Variants in FAM83G observed in about 807,000 individuals in gnomAD.
The protein encoded by FAM83G is protein FAM83G.
FAM83G carries 38 observed loss-of-function variants against 61.5 expected under a neutral mutation model. That is an observed-to-expected ratio of 0.62 (90% CI 0.48 to 0.81). FAM83G has a LOEUF of 0.81. Among genes scored for constraint, FAM83G ranks in the 30% least tolerant of loss-of-function variants. FAM83G has a pLI of 0.00. For synonymous variants in FAM83G, 470 were observed against 476.1 expected (o/e 0.99, Z 0.17); for missense variants, 989 against 1,133.6 (o/e 0.87, Z 1.83).
In FAM83G at chr17:19,000,272, C is replaced by T. The variant is rs1162345315; in HGVS notation, c.522+3248G>A. 6.6e-6 allele frequency among the ~76,000 whole-genome samples: 1 copy of T among 152,174 alleles called. No homozygotes were observed. The highest frequency in any genetic ancestry group is 1.5e-5 in the Non-Finnish European group (1 of 68,024). ...TGCTGAGAGTGAGACCTGGGACCCA[C>T]CCGCCTCTTGTCCCAGGGGAGTCTA... On this transcript the variant is annotated intron_variant, in intron 2 of 5. Coordinates refer to ENST00000388995, the MANE Select transcript of FAM83G (RefSeq NM_001039999.3). This position sits in a 1 kb window ranked among gnomAD's most constrained non-coding sequence, Gnocchi z 5.2.
chr17:18,982,273 G>A (rs927878047), intron 3 of FAM83G, among the ~76,000 whole-genome samples: 1 of 152,222 alleles, frequency 6.6e-6, no homozygotes, highest in African/African-American at 2.4e-5. Context: ...GCAGCAGGTG[G>A]GGGCCTGCAG....
chr17:19,003,666 G>T lies in FAM83G; in HGVS notation c.376C>A (p.Arg126Ser). The T allele has an allele frequency of 6.2e-7, 1 of 1,611,596 alleles. No homozygotes were observed. Among genetic ancestry groups the T allele is most frequent in the Non-Finnish European group, 8.5e-7 (1 of 1,179,250 alleles). Residue 126 changes from arginine to serine, a missense_variant, in exon 2 of 6, where the codon CGC (arginine) becomes AGC (serine). Transcript: ENST00000388995. This position sits in a 1 kb window ranked among gnomAD's most constrained non-coding sequence, Gnocchi z 4.5. Reference sequence around the variant, plus strand: ...CCCAGGTCCAGCTGCGGGATGGAGCGGTCCGACTTCTGGGGCCAGTACTCC... The same window carrying T: ...CCCAGGTCCAGCTGCGGGATGGAGCTGTCCGACTTCTGGGGCCAGTACTCC... ...SLEYWPQKSD[R>S]SIPQLDLGWP...
chr17:19,001,534 C>T (rs2043729786), intron 2 of FAM83G, among the ~76,000 whole-genome samples: 1 of 152,216 alleles, frequency 6.6e-6, no homozygotes, highest in Non-Finnish European at 1.5e-5. Context: ...CAGACTGGCA[C>T]CCAAACTGGA....
At chr17:18,976,572 G>C in intron 5 of FAM83G, 1 of 403,362 alleles carries the variant, frequency 2.5e-6, no homozygotes, top group South Asian at 4.8e-5. Context: ...ATTGCCAGGG[G>C]TGGTGGGCTG....
rs745768633 is a variant in FAM83G at position 18,971,572 on chromosome 17, G to A, written c.2259C>T (p.Arg753=). ...HWQAKGGQVP[R]LLPDPGSPRL... is the part of the protein sequence containing the mutation. ...TTGGGCTGCCGGGATCCGGAAGCAG[G>A]CGGGGTACCTGACCTCCCTTGGCCT... is the stretch of plus-strand genomic sequence containing the variant. Residue 753 remains arginine, a synonymous_variant, in exon 6 of 6, where the codon CGC becomes CGT. Transcript: ENST00000388995. The surrounding 1 kb of genome is among the most constrained non-coding windows in gnomAD (Gnocchi z 5.5). 1 of 1,613,770 alleles carries A rather than the reference G, an allele frequency of 6.2e-7. No homozygotes were observed. Among genetic ancestry groups the A allele is most frequent in the South Asian group, 1.1e-5 (1 of 91,078 alleles).
chr17:19,005,099 G>A (rs758498790), upstream of FAM83G, among the ~76,000 whole-genome samples: 171 of 152,354 alleles, frequency 1.1e-3, no homozygotes, highest in Non-Finnish European at 2.1e-3. Context: ...TCGCCGGCGT[G>A]GCGGGAAGTC....
In FAM83G at chr17:19,004,187, T is replaced by A; in HGVS notation, c.-128-18A>T. The A allele has an allele frequency of 1.9e-6, 1 of 518,130 alleles. No individual in the cohort carries two copies. Among genetic ancestry groups the A allele is most frequent in the Non-Finnish European group, 2.9e-6 (1 of 345,308 alleles). 32.1% of individuals were successfully genotyped at this position (518,130 alleles called of 1,614,324 possible). On this transcript the variant is annotated intron_variant, in intron 1 of 5. Transcript: ENST00000388995. The surrounding 1 kb of genome is among the most constrained non-coding windows in gnomAD (Gnocchi z 5.4). ...TGAGCAATCTGCGGGAAAGACCTGATGAGCCCGGCTCGGCGGGGAGGGCGG... is the reference window on the plus strand; with the variant it reads ...TGAGCAATCTGCGGGAAAGACCTGAAGAGCCCGGCTCGGCGGGGAGGGCGG...
intron 2 of FAM83G, among the ~76,000 whole-genome samples, chr17:19,002,173 T>A (rs1340016175): frequency 6.6e-6 from 1 of 152,194 alleles, no homozygotes; most frequent in South Asian, 2.1e-4. Context: ...CGATATTCCA[T>A]CTTCACAATA....
chr17:18,981,917 G>A (rs1201387806), intron 3 of FAM83G, among the ~76,000 whole-genome samples: 1 of 152,168 alleles, frequency 6.6e-6, no homozygotes, highest in Non-Finnish European at 1.5e-5. Context: ...GAGGTGGTAC[G>A]AGGCCTTCCC....
rs2043558681 is a variant in FAM83G at position 18,995,911 on chromosome 17, T to TC, written c.523-7498_523-7497insG. ...CAACAGAGTAAGACTCTGTCTCAAT[T>TC]AAAAAAAAAAAAAAAAGACTAAATC... is the stretch of plus-strand genomic sequence containing the variant. On this transcript the variant is annotated intron_variant, in intron 2 of 5. Transcript: ENST00000388995. 1.4e-4 allele frequency among the ~76,000 whole-genome samples: 17 copies of TC among 125,356 alleles called. No homozygotes were observed. The South Asian group carries it at 4.1e-3, about 30-fold the overall frequency. 82.2% of individuals were successfully genotyped at this position (125,356 alleles called of 152,430 possible). A position where few individuals can be genotyped will look rare whatever the true frequency, so the allele number is the denominator to read the frequency against.
intron 3 of FAM83G, among the ~76,000 whole-genome samples, chr17:18,987,423 C>G (rs2043298542): frequency 6.6e-6 from 1 of 152,230 alleles, no homozygotes; most frequent in African/African-American, 2.4e-5. Context: ...GCCGTCATCA[C>G]GCACGCTCAT....
intron 5 of FAM83G, among the ~76,000 whole-genome samples, chr17:18,972,945 C>G (rs2042892362): frequency 6.6e-6 from 1 of 152,202 alleles, no homozygotes; most frequent in African/African-American, 2.4e-5. Context: ...GTTTCCCCAT[C>G]TGTAACACGT....
chr17:19,003,828 C>G lies in FAM83G; in HGVS notation c.214G>C (p.Glu72Gln), dbSNP rs1285750716. 1.2e-6 allele frequency: 2 copies of G among 1,612,852 alleles called. No homozygotes were observed. Among genetic ancestry groups the G allele is most frequent in the East Asian group, 4.5e-5 (2 of 44,828 alleles). ...LELKRILETIEVYDPGSEDPR... is the reference protein window; with the variant it reads ...LELKRILETIQVYDPGSEDPR... ...TCCTCAGAGCCCGGGTCGTACACCT[C>G]GATGGTCTCCAGGATGCGCTTGAGC... is the stretch of plus-strand genomic sequence containing the variant. The change falls in exon 2 of 6, where the codon GAG becomes CAG. Residue 72 changes from glutamate (E) to glutamine (Q), a missense_variant. Coordinates refer to ENST00000388995, the MANE Select transcript of FAM83G (RefSeq NM_001039999.3). The surrounding 1 kb of genome is among the most constrained non-coding windows in gnomAD (Gnocchi z 4.5).
chr17:18,972,409 C>T (rs2042877685), intron 5 of FAM83G, among the ~76,000 whole-genome samples: 1 of 152,180 alleles, frequency 6.6e-6, no homozygotes, highest in Non-Finnish European at 1.5e-5. Context: ...TAGGCCCGAC[C>T]AGCTCCATTC....
At chr17:19,001,950 T>C (rs1005320993) in intron 2 of FAM83G, among the ~76,000 whole-genome samples, 3 of 152,128 alleles carry the variant, frequency 2.0e-5, no homozygotes, top group African/African-American at 7.2e-5. Flanking sequence ...AAGATGGAAG[T>C]GGAGGCTGGG....
upstream of FAM83G, among the ~76,000 whole-genome samples, chr17:19,005,396 G>A (rs2043857045): frequency 6.6e-6 from 1 of 152,184 alleles, no homozygotes. Flanking sequence ...CCTGGGGTTG[G>A]GACCCTGGTT....
At chr17:18,995,542 G>A (rs1216369937) in intron 2 of FAM83G, among the ~76,000 whole-genome samples, 2 of 152,132 alleles carry the variant, frequency 1.3e-5, no homozygotes, top group African/African-American at 2.4e-5. Context: ...GAAGGGTTGG[G>A]AGTGAGCGAG....
intron 5 of FAM83G, chr17:18,976,647 C>T (rs974793763): frequency 1.6e-5 from 10 of 609,610 alleles, no homozygotes; most frequent in African/African-American, 9.3e-5. Flanking sequence ...GAGTGTACCT[C>T]GGCTCTCGCT....
chr17:18,970,887 ATGAGG>A lies in FAM83G; in HGVS notation c.*467_*471del. The A allele has an allele frequency of 2.6e-6, 2 of 784,252 alleles. No homozygotes were observed. The highest frequency in any genetic ancestry group is 5.3e-5 in the East Asian group (2 of 37,492). The allele number at this position is 784,252 out of a possible 1,614,324, so 48.6% of individuals were successfully genotyped here. On this transcript the variant is annotated 3_prime_UTR_variant, in exon 6 of 6. Coordinates refer to ENST00000388995, the MANE Select transcript of FAM83G (RefSeq NM_001039999.3). The stretch of plus-strand genomic sequence containing the variant: ...CACACCTTTCCAAACACTGGGAAAG[ATGAGG>A]TGGAAAAAACTCAAGTTTGATGCAT...
Sources: gnomAD v4.1 joint callset for allele counts (sites outside exome capture counted in the v4.1 genomes callset) on GRCh38, gnomAD v4.1.1 for gene constraint, Gnocchi (gnomAD v3.1) non-coding constraint, MANE v1.5 for transcripts, NCBI Gene and HGNC (gene_info 2026-07-23, HGNC 2026-07-21) for gene names.